SH3RF3: variants seen among roughly 807,000 people sequenced by gnomAD.
SH3RF3 encodes E3 ubiquitin-protein ligase SH3RF3.
SH3RF3 carries 29 observed loss-of-function variants against 66.3 expected under a neutral mutation model. The ratio of observed to expected loss-of-function variants is 0.44; its 90% CI spans 0.33 to 0.60. The LOEUF (loss-of-function observed/expected upper bound fraction) is 0.60, where lower values mean the gene tolerates loss of function less well. Ranked by LOEUF, SH3RF3 falls within the 20% of genes least tolerant of loss-of-function variation. The probability of loss-of-function intolerance (pLI) is 0.04; values close to 1 mark genes in which losing one functional copy is unlikely to be tolerated. For synonymous variants in SH3RF3, 583 were observed against 532.0 expected (o/e 1.10, Z -1.32); for missense variants, 1,194 against 1,190.9 (o/e 1.00, Z -0.04).
chr2:109,315,297 C>T (rs1357493127), intron 1 of SH3RF3, among the ~76,000 whole-genome samples: 1 of 152,108 alleles, frequency 6.6e-6, no homozygotes, highest in Non-Finnish European at 1.5e-5. Flanking sequence ...TTAATAGGGC[C>T]CTGGGTCCAA....
At chr2:109,389,145 G>A (rs1442549131) in intron 3 of SH3RF3, among the ~76,000 whole-genome samples, 5 of 152,230 alleles carry the variant, frequency 3.3e-5, no homozygotes, top group Admixed American at 3.3e-4. Flanking sequence ...ATAGAACACA[G>A]GTGAGCGTAC....
intron 1 of SH3RF3, among the ~76,000 whole-genome samples, chr2:109,233,825 C>T (rs955094476): frequency 1.3e-5 from 2 of 152,210 alleles, no homozygotes; most frequent in Admixed American, 6.5e-5. Context: ...TTGAGTCTGG[C>T]TTCTCTCACT....
At chr2:109,319,422 G>A (rs1250172857) in intron 1 of SH3RF3, among the ~76,000 whole-genome samples, 1 of 152,192 alleles carries the variant, frequency 6.6e-6, no homozygotes, top group African/African-American at 2.4e-5. Context: ...ATCCTTTTCA[G>A]CCTGCTGGGC....
At chr2:109,323,608 C>A (rs1456209429) in intron 1 of SH3RF3, among the ~76,000 whole-genome samples, 2 of 152,180 alleles carry the variant, frequency 1.3e-5, no homozygotes, top group Non-Finnish European at 1.5e-5. Context: ...TGCACTGGGG[C>A]TGGAGACTCC....
chr2:109,348,355 G>A (rs1682763700), intron 2 of SH3RF3, among the ~76,000 whole-genome samples: 1 of 152,220 alleles, frequency 6.6e-6, no homozygotes, highest in East Asian at 1.9e-4. Context: ...CTGCTACAGA[G>A]ACCCTGGTCA....
At chr2:109,432,722 C>CA in intron 6 of SH3RF3, 51 bp downstream of exon 6, 1 of 1,563,258 alleles carries the variant, frequency 6.4e-7, no homozygotes. Flanking sequence ...AGGGCCTGCA[C>CA]GCCTTACCGC....
intron 1 of SH3RF3, among the ~76,000 whole-genome samples, chr2:109,199,871 G>C (rs1264368790): frequency 0.016 from 3 of 182 alleles, 1 homozygote; most frequent in Non-Finnish European, 8.9e-3. Context: ...TTGTCTTGGG[G>C]ATTAGGGCTT....
chr2:109,450,651 A>T (rs1368657782), intron 8 of SH3RF3, among the ~76,000 whole-genome samples: 1 of 152,126 alleles, frequency 6.6e-6, no homozygotes, highest in African/African-American at 2.4e-5. Flanking sequence ...TGTTGATGAG[A>T]TATTTTAGTA....
intron 1 of SH3RF3, among the ~76,000 whole-genome samples, chr2:109,201,307 C>G (rs1678669500): frequency 6.6e-6 from 1 of 152,260 alleles, no homozygotes; most frequent in African/African-American, 2.4e-5. Context: ...CAGCCCCACT[C>G]TCCCACAGGC....
chr2:109,408,534 C>T (rs986833635), intron 4 of SH3RF3, among the ~76,000 whole-genome samples: 3 of 152,220 alleles, frequency 2.0e-5, no homozygotes, highest in Non-Finnish European at 2.9e-5. Context: ...ACGCCCAGGC[C>T]GGGTTCGCTC....
At chr2:109,485,636 T>G (rs1015734337) in intron 8 of SH3RF3, among the ~76,000 whole-genome samples, 1 of 152,256 alleles carries the variant, frequency 6.6e-6, no homozygotes, top group African/African-American at 2.4e-5. Flanking sequence ...GCCTTCAAAA[T>G]TCTCCTTTTT....
intron 1 of SH3RF3, among the ~76,000 whole-genome samples, chr2:109,306,558 A>T (rs963490781): frequency 6.6e-6 from 1 of 152,206 alleles, no homozygotes; most frequent in Non-Finnish European, 1.5e-5. Context: ...CTCTGACCGT[A>T]CAGTGGCTGG....
intron 1 of SH3RF3, among the ~76,000 whole-genome samples, chr2:109,297,463 G>A (rs1489721141): frequency 1.3e-5 from 2 of 152,084 alleles, no homozygotes; most frequent in Non-Finnish European, 2.9e-5. Flanking sequence ...AGAGCCAGAG[G>A]GGTGCCTGGT....
chr2:109,497,895 C>T (rs918845050), intron 9 of SH3RF3, among the ~76,000 whole-genome samples: 1 of 152,244 alleles, frequency 6.6e-6, no homozygotes, highest in Non-Finnish European at 1.5e-5. Context: ...TCATCTCGCC[C>T]TTTGCCTTCC....
At chr2:109,479,048 T>G (rs1432409000) in intron 8 of SH3RF3, among the ~76,000 whole-genome samples, 1 of 151,910 alleles carries the variant, frequency 6.6e-6, no homozygotes, top group Non-Finnish European at 1.5e-5. Flanking sequence ...GTCTGGCGGG[T>G]GGTGTTGACT....
chr2:109,294,947 AGTT>A (rs1681274184), intron 1 of SH3RF3, among the ~76,000 whole-genome samples: 1 of 152,268 alleles, frequency 6.6e-6, no homozygotes, highest in Non-Finnish European at 1.5e-5. Flanking sequence ...GCACTTTCCC[AGTT>A]GTTCTTTCAG....
chr2:109,340,759 AT>A (rs1381008901), intron 1 of SH3RF3, among the ~76,000 whole-genome samples: 1 of 152,226 alleles, frequency 6.6e-6, no homozygotes, highest in Non-Finnish European at 1.5e-5. Context: ...GGAAGGGCAG[AT>A]TTGATTATCT....
chr2:109,432,706 AG>A (rs1677272312), intron 6 of SH3RF3, 35 bp downstream of exon 6: 1 of 1,593,916 alleles, frequency 6.3e-7, no homozygotes, highest in Admixed American at 1.7e-5. Flanking sequence ...GGGCAAGGAG[AG>A]GGCAAGGGCC....
intron 7 of SH3RF3, among the ~76,000 whole-genome samples, chr2:109,442,602 A>G (rs1677600288): frequency 6.6e-6 from 1 of 152,200 alleles, no homozygotes; most frequent in Admixed American, 6.5e-5. Flanking sequence ...GAGAAGTGGA[A>G]GTTTGGTATA....
Sources: allele counts gnomAD v4.1 joint callset (sites outside exome capture counted in the v4.1 genomes callset), GRCh38; gene constraint gnomAD v4.1.1; transcripts MANE v1.5; gene names NCBI Gene and HGNC (gene_info 2026-07-23, HGNC 2026-07-21).